The following RGN variants were observed in gnomAD, a reference collection of about 807,000 sequenced individuals.
The protein encoded by RGN is epididymis secretory protein Li 41.
In RGN, 19 loss-of-function variants were observed where a neutral mutation model predicts 20.6. The observed-to-expected ratio is 0.92, with a 90% CI of 0.64 to 1.35. The LOEUF (loss-of-function observed/expected upper bound fraction) is 1.35. Ranked by LOEUF, RGN falls within the 40% of genes most tolerant of loss-of-function variation. RGN has a pLI of 0.00. For synonymous variants in RGN, 85 were observed against 87.2 expected (o/e 0.97, Z 0.14); for missense variants, 302 against 232.7 (o/e 1.30, Z -1.94).
intron 4 of RGN, among the ~76,000 whole-genome samples, chrX:47,088,546 A>T (rs1054494798): frequency 1.8e-5 from 2 of 110,467 alleles, no homozygotes; most frequent in African/African-American, 6.6e-5. Context: ...CTCTTCTCCT[A>T]TGTGAGTTGA....
intron 5 of RGN, among the ~76,000 whole-genome samples, chrX:47,090,921 A>AAGAAAG (rs1556387404): frequency 9.7e-5 from 1 of 10,361 alleles, no homozygotes; most frequent in Non-Finnish European, 2.7e-4. Flanking sequence ...AGAAGGAAAG[A>AAGAAAG]AAGAAAGAAA....
intron 4 of RGN, among the ~76,000 whole-genome samples, chrX:47,088,944 AAAAG>A (rs1372667438): frequency 5.7e-4 from 37 of 64,873 alleles, no homozygotes; most frequent in East Asian, 1.4e-3. Context: ...AAAAAAAAAA[AAAAG>A]AAGAAGAAGA....
intron 4 of RGN, among the ~76,000 whole-genome samples, chrX:47,088,017 G>C (rs1045672412): frequency 1.3e-4 from 13 of 97,717 alleles, no homozygotes; most frequent in Non-Finnish European, 2.0e-4. Flanking sequence ...GTAGTATTCT[G>C]GCAGATGCAT....
intron 3 of RGN, 50 bp from the exon 4 acceptor site, chrX:47,084,368 C>T: frequency 9.5e-7 from 1 of 1,055,280 alleles, no homozygotes; most frequent in Non-Finnish European, 1.3e-6. Flanking sequence ...TCTCAGTGGC[C>T]TCAGCCACTA....
chrX:47,090,848 C>A (rs187255868), intron 5 of RGN, among the ~76,000 whole-genome samples: 1 of 90,387 alleles, frequency 1.1e-5, no homozygotes, highest in South Asian at 5.8e-4. Flanking sequence ...GACGACAGAG[C>A]GAGACACTGT....
At position 47,084,435 on chromosome X, in the gene RGN, G is replaced by C. The variant is rs373172217; in HGVS notation, c.181G>C (p.Val61Leu). Reference protein sequence around the residue: ...RVTMDAPVSSVALRQSGGYVA... With the variant: ...RVTMDAPVSSLALRQSGGYVA... The stretch of plus-strand genomic sequence containing the variant: ...CTCTACAGATGCCCCAGTCAGCTCC[G>C]TGGCTCTTCGCCAGTCGGGAGGCTA... Residue 61 changes from valine to leucine, a missense_variant, in exon 4 of 8, where the codon GTG becomes CTG. Transcript: ENST00000397180. 83 of 1,201,333 alleles carry C rather than the reference G, an allele frequency of 6.9e-5. No individual in the cohort carries two copies. The highest frequency in any genetic ancestry group is 6.0e-5 in the East Asian group (2 of 33,471).
chrX:47,079,356 G>GT (rs201087134), intron 1 of RGN, among the ~76,000 whole-genome samples: 8,566 of 50,449 alleles, frequency 0.17, 384 homozygotes, highest in South Asian at 0.44. Context: ...TTTTTTGTTT[G>GT]TTTTTTTTTT....
At chrX:47,081,058 G>T (rs1930275285) in intron 2 of RGN, 72 bp from the exon 3 acceptor site, 2 of 769,682 alleles carry the variant, frequency 2.6e-6, no homozygotes, top group East Asian at 6.4e-5. Flanking sequence ...AGCCTTGCCA[G>T]TTCTTAGCCA....
In RGN at chrX:47,081,011, A is replaced by G. The variant is rs1394886305; in HGVS notation, c.-16+75A>G. The G allele has an allele frequency of 1.5e-5, 7 of 482,550 alleles. No individual in the cohort carries two copies. The South Asian group carries it at 1.6e-4, about 11-fold the overall frequency. The allele number at this position is 482,550 out of a possible 1,213,427, so 39.8% of individuals were successfully genotyped here. The stretch of plus-strand genomic sequence containing the variant: ...TTGCCTATGTGTCTCTCCCTGTCAC[A>G]TTGCATATCCTGCTCTGATCTGGGG... On this transcript the variant is annotated intron_variant, in intron 2 of 7. Transcript: ENST00000397180.
intron 5 of RGN, 27 bp downstream of exon 5, chrX:47,090,018 GTGCTGCCACTATTGTTTTCATATGTT>G: frequency 9.4e-7 from 1 of 1,061,264 alleles, no homozygotes; most frequent in Non-Finnish European, 1.3e-6. Context: ...ATTTGTCTCA[GTGCTGCCACTATTGTTTTCATATGTT>G]TGTGACTAGT....
intron 6 of RGN, 67 bp downstream of exon 6, chrX:47,091,876 T>C: frequency 1.8e-6 from 2 of 1,138,725 alleles, no homozygotes; most frequent in Non-Finnish European, 2.3e-6. Flanking sequence ...AAAGTTACAG[T>C]CAGAATTTCT....
Position 47,092,996 on chromosome X carries a change from A to G in RGN, c.*49A>G, listed in dbSNP as rs782062313. On this transcript the variant is annotated 3_prime_UTR_variant, in exon 8 of 8. Transcript: ENST00000397180. ...AGGGAGCTCTGAAGACAACTAGAGA[A>G]TTCTGGGCCTGAAATTTCAATCTAG... 1.1e-4 allele frequency: 110 copies of G among 987,767 alleles called. No homozygotes were observed. The highest frequency in any genetic ancestry group is 1.4e-6 in the Non-Finnish European group (1 of 710,500). 81.4% of individuals were successfully genotyped at this position (987,767 alleles called of 1,213,427 possible). A position where few individuals can be genotyped will look rare whatever the true frequency, so the allele number is the denominator to read the frequency against.
intron 5 of RGN, among the ~76,000 whole-genome samples, chrX:47,090,915 G>GGAAAGAAAGAAAGAAAGAAAGAAA (rs1167092040): frequency 1.9e-5 from 1 of 51,893 alleles, no homozygotes; most frequent in Admixed American, 2.5e-4. Context: ...GAAAGAAGAA[G>GGAAAGAAAGAAAGAAAGAAAGAAA]GAAAGAAAGA....
At chrX:47,086,778 AGAG>A (rs1556384524) in intron 4 of RGN, among the ~76,000 whole-genome samples, 3 of 103,325 alleles carry the variant, frequency 2.9e-5, no homozygotes, top group Non-Finnish European at 3.9e-5. Flanking sequence ...AGAGAGAGAG[AGAG>A]AGAAAGAGAG....
intron 3 of RGN, among the ~76,000 whole-genome samples, chrX:47,083,978 C>T (rs1930469700): frequency 9.1e-6 from 1 of 110,379 alleles, no homozygotes; most frequent in Admixed American, 9.7e-5. Flanking sequence ...GTCACAAAAC[C>T]TAGTTGCTGT....
At position 47,090,915 on chromosome X, in the gene RGN, GGA is replaced by G. The variant is rs1930935280; in HGVS notation, c.563-762_563-761del. 4.6e-3 allele frequency among the ~76,000 whole-genome samples: 236 copies of G among 51,848 alleles called. 5 individuals are homozygous for G. Among genetic ancestry groups the G allele is most frequent in the African/African-American group, 0.021 (223 of 10,790 alleles). 45.0% of individuals were successfully genotyped at this position (51,848 alleles called of 115,157 possible). ...GAAGAAAGAAAGAAAGAAAGAAGAAGGAAAGAAAGAAAGAAAGAAAGAAAGAA... is the reference window on the plus strand; with the variant it reads ...GAAGAAAGAAAGAAAGAAAGAAGAAGAAGAAAGAAAGAAAGAAAGAAAGAA... On this transcript the variant is annotated intron_variant, in intron 5 of 7. Coordinates refer to ENST00000397180, the MANE Select transcript of RGN (RefSeq NM_152869.4).
At chrX:47,079,953 G>A (rs989023066) in intron 1 of RGN, among the ~76,000 whole-genome samples, 1 of 110,742 alleles carries the variant, frequency 9.0e-6, no homozygotes. Flanking sequence ...GCATGATCAC[G>A]GCTCATTGCA....
chrX:47,090,856 T>A (rs1361802883), intron 5 of RGN, among the ~76,000 whole-genome samples: 2 of 84,182 alleles, frequency 2.4e-5, no homozygotes, highest in Non-Finnish European at 2.2e-5. Flanking sequence ...AGCGAGACAC[T>A]GTCAAAAAAA....
chrX:47,084,581 C>G lies in RGN; in HGVS notation c.327C>G (p.Pro109=). Residue 109 remains proline, a synonymous_variant, in exon 4 of 8, where the codon CCC becomes CCG. Transcript: ENST00000397180. Reference sequence around the variant, plus strand: ...GCTTCAATGATGGGAAGGTGGATCCCGCCGGGAGGTACTTTGCTGGTAAGA... The same window carrying G: ...GCTTCAATGATGGGAAGGTGGATCCGGCCGGGAGGTACTTTGCTGGTAAGA... The part of the protein sequence containing the change: ...NNRFNDGKVD[P]AGRYFAGTMA... 1 of 1,190,777 alleles carries G rather than the reference C, an allele frequency of 8.4e-7. No individual in the cohort carries two copies. Among genetic ancestry groups the G allele is most frequent in the African/African-American group, 1.7e-5 (1 of 57,342 alleles).
Sources: allele counts gnomAD v4.1 joint callset (sites outside exome capture counted in the v4.1 genomes callset), GRCh38; gene constraint gnomAD v4.1.1; transcripts MANE v1.5; gene names NCBI Gene and HGNC (gene_info 2026-07-23, HGNC 2026-07-21).